CCDC60: variants seen among roughly 807,000 people sequenced by gnomAD.
CCDC60 encodes coiled-coil domain containing 60.
In CCDC60, 54 loss-of-function variants were observed where a neutral mutation model predicts 63.5. That is an observed-to-expected ratio of 0.85 (90% CI 0.68 to 1.07). The LOEUF is 1.07. Among genes scored for constraint, CCDC60 ranks in the 50% least tolerant of loss-of-function variants. The pLI is 0.00. For missense variants in CCDC60, 651 were observed against 684.3 expected (o/e 0.95, Z 0.54); for synonymous variants, 206 against 238.8 (o/e 0.86, Z 1.27).
chr12:119,360,641 A>G (rs967918668), intron 1 of CCDC60, among the ~76,000 whole-genome samples: 3 of 150,946 alleles, frequency 2.0e-5, no homozygotes, highest in Non-Finnish European at 4.4e-5. Context: ...CGTTCCCCAC[A>G]TCCCAGACGA....
intron 1 of CCDC60, among the ~76,000 whole-genome samples, chr12:119,340,079 A>C (rs1291648471): frequency 2.0e-5 from 3 of 152,178 alleles, no homozygotes; most frequent in African/African-American, 7.2e-5. Context: ...TTCCAGATGC[A>C]TCACCATTTT....
chr12:119,363,601 T>A (rs1177729045), intron 1 of CCDC60, among the ~76,000 whole-genome samples: 3 of 152,214 alleles, frequency 2.0e-5, no homozygotes, highest in African/African-American at 7.2e-5. Context: ...TTAATATTGC[T>A]TTAAACAGTC....
At chr12:119,429,027 G>T in intron 2 of CCDC60, 1 of 361,806 alleles carries the variant, frequency 2.8e-6, no homozygotes, top group Non-Finnish European at 5.0e-6. Flanking sequence ...TCCAACTCAA[G>T]AGAGTGTCCC....
chr12:119,384,032 T>C (rs936303737), intron 1 of CCDC60, among the ~76,000 whole-genome samples: 3 of 152,026 alleles, frequency 2.0e-5, no homozygotes, highest in African/African-American at 7.2e-5. Context: ...CCATCTCTAT[T>C]AAAAATACAA....
At chr12:119,486,352 C>T (rs1223051939) in intron 4 of CCDC60, among the ~76,000 whole-genome samples, 4 of 151,946 alleles carry the variant, frequency 2.6e-5, no homozygotes, top group East Asian at 1.9e-4. Context: ...GCCTAGGCAA[C>T]GTAGGAAGTC....
At chr12:119,519,416 TGTGTGTGTGTGTGTGTGTGCGC>T (rs1952441692) in intron 8 of CCDC60, among the ~76,000 whole-genome samples, 1 of 137,896 alleles carries the variant, frequency 7.3e-6, no homozygotes, top group Admixed American at 7.4e-5. Context: ...TGTGTGTGTG[TGTGTGTGTGTGTGTGTGTGCGC>T]GTGTGTGTGT....
At chr12:119,373,758 A>G (rs915280791) in intron 1 of CCDC60, among the ~76,000 whole-genome samples, 4 of 152,048 alleles carry the variant, frequency 2.6e-5, no homozygotes, top group African/African-American at 9.7e-5. Context: ...AGCTTGGCTT[A>G]GCCTCTTTTC....
intron 2 of CCDC60, 133 bp downstream of exon 2, chr12:119,428,895 G>T: frequency 1.7e-6 from 1 of 598,926 alleles, no homozygotes; most frequent in Non-Finnish European, 3.0e-6. Context: ...ACTTACAGGA[G>T]GGTAACCCTG....
intron 7 of CCDC60, among the ~76,000 whole-genome samples, chr12:119,505,967 CTT>C (rs1385521869): frequency 6.7e-6 from 1 of 149,084 alleles, no homozygotes; most frequent in East Asian, 1.9e-4. Flanking sequence ...TTTATACTGT[CTT>C]TGAAATTCGG....
At chr12:119,440,398 C>T (rs1335254851) in intron 2 of CCDC60, among the ~76,000 whole-genome samples, 5 of 151,938 alleles carry the variant, frequency 3.3e-5, no homozygotes, top group Admixed American at 6.6e-5. Flanking sequence ...GGCATGGTGG[C>T]GGGCACCTGT....
intron 1 of CCDC60, among the ~76,000 whole-genome samples, chr12:119,356,461 C>G (rs960856668): frequency 2.0e-5 from 3 of 152,148 alleles, no homozygotes; most frequent in African/African-American, 7.2e-5. Flanking sequence ...ATATTTCTTT[C>G]TAGAGACTTT....
rs560888605 is a variant in CCDC60, at chr12:119,471,154, G to A, written c.171-840G>A. Among the ~76,000 whole-genome samples the A allele has an allele frequency of 5.2e-4, 79 of 152,328 alleles. 1 individual carries two copies. The South Asian group carries it at 0.016, about 31-fold the overall frequency. ...CTGGCAAAGCGCAGGGAGGTGTGTA[G>A]CCCATCACGACTGAGAATGTCTTCA... On this transcript the variant is annotated intron_variant, in intron 2 of 13. Transcript: ENST00000327554.
At chr12:119,337,194 T>C (rs1417717082) in intron 1 of CCDC60, among the ~76,000 whole-genome samples, 4 of 152,140 alleles carry the variant, frequency 2.6e-5, no homozygotes, top group Admixed American at 1.3e-4. Flanking sequence ...CCTTTTTCCA[T>C]CTCCTTTCAT....
chr12:119,396,412 T>A (rs2136209551), intron 1 of CCDC60, among the ~76,000 whole-genome samples: 1 of 151,892 alleles, frequency 6.6e-6, no homozygotes, highest in African/African-American at 2.4e-5. Context: ...GAGGTGAGAG[T>A]GGCAGTGGGA....
chr12:119,537,653 C>T lies in CCDC60; in HGVS notation c.1552-2961C>T, dbSNP rs1953042816. Among the ~76,000 whole-genome samples the T allele has an allele frequency of 3.9e-5, 6 of 152,158 alleles. No homozygotes were observed. The South Asian group carries it at 1.2e-3, about 32-fold the overall frequency. ...TATTCCTTTCTGTTTGTTAGTTTTC[C>T]GTCTCACAGTCAGGTCTCTCAGCTG... On this transcript the variant is annotated intron_variant, in intron 13 of 13. Transcript: ENST00000327554.
At chr12:119,411,521 A>T (rs1339597169) in intron 1 of CCDC60, among the ~76,000 whole-genome samples, 1 of 152,162 alleles carries the variant, frequency 6.6e-6, no homozygotes, top group Non-Finnish European at 1.5e-5. Context: ...AAAGAAAAAA[A>T]TTGTTATGCT....
chr12:119,480,693 T>C (rs1198232109), intron 4 of CCDC60, among the ~76,000 whole-genome samples: 4,297 of 56,634 alleles, frequency 0.076, no homozygotes, highest in Middle Eastern at 0.19. Flanking sequence ...TCACCACCAT[T>C]ATCATCACCA....
At chr12:119,489,819 G>A (rs962964430) in intron 5 of CCDC60, among the ~76,000 whole-genome samples, 1 of 147,764 alleles carries the variant, frequency 6.8e-6, no homozygotes, top group Non-Finnish European at 1.5e-5. Context: ...TTTTTTTTTA[G>A]ACAGAGTCTT....
At chr12:119,490,559 T>C (rs1951559516) in intron 5 of CCDC60, among the ~76,000 whole-genome samples, 1 of 150,500 alleles carries the variant, frequency 6.6e-6, no homozygotes. Context: ...TTTTCATGCC[T>C]TCTTCTTCTT....
Sources: allele counts gnomAD v4.1 joint callset (sites outside exome capture counted in the v4.1 genomes callset), GRCh38; gene constraint gnomAD v4.1.1; transcripts MANE v1.5; gene names NCBI Gene and HGNC (gene_info 2026-07-23, HGNC 2026-07-21).